Variants in POLD3 observed in about 807,000 individuals in gnomAD.
POLD3 encodes the protein DNA polymerase delta 3, accessory subunit.
POLD3 carries 19 observed loss-of-function variants against 58.2 expected under a neutral mutation model. The observed-to-expected ratio is 0.33, with a 90% CI of 0.23 to 0.48. The LOEUF (loss-of-function observed/expected upper bound fraction) is 0.48, where lower values mean the gene tolerates loss of function less well. POLD3 is among the 20% of genes least tolerant of loss of function. The pLI, the probability that POLD3 is intolerant of heterozygous loss-of-function variation, is 0.99. For synonymous variants in POLD3, 172 were observed against 193.5 expected, an observed-to-expected ratio of 0.89 and a Z score of 0.92; for missense variants, 504 against 545.5, an observed-to-expected ratio of 0.92 and a Z score of 0.76.
At chr11:74,661,586 G>C (rs1157176584) in intron 4 of POLD3, among the ~76,000 whole-genome samples, 1 of 152,200 alleles carries the variant, frequency 6.6e-6, no homozygotes, top group Non-Finnish European at 1.5e-5. Context: ...GGAGTGGGGT[G>C]ACACAAACAC....
At chr11:74,644,410 G>C (rs758845688), downstream of POLD3, among the ~76,000 whole-genome samples, 1 of 152,308 alleles carries the variant, frequency 6.6e-6, no homozygotes, top group Non-Finnish European at 1.5e-5. Flanking sequence ...TGCTTTCTGA[G>C]TTATTGCCCT....
intron 4 of POLD3, among the ~76,000 whole-genome samples, chr11:74,662,525 A>G (rs117525498): frequency 2.8e-3 from 422 of 152,112 alleles, no homozygotes; most frequent in Non-Finnish European, 4.5e-3. Context: ...CCACTGCCCT[A>G]TCCTGTCGTG....
chr11:74,642,193 C>G lies in POLD3; in HGVS notation c.*1427C>G. On this transcript the variant is annotated 3_prime_UTR_variant, in exon 12 of 12. Transcript: ENST00000263681. ...TTGGGATTAACATGAGCTTCTTTAG[C>G]AACCAAGCATGAACTTGATTAAGAC... is the stretch of plus-strand genomic sequence containing the variant. The G allele has an allele frequency of 2.0e-6, 2 of 985,386 alleles. No individual in the cohort carries two copies. The highest frequency in any genetic ancestry group is 2.4e-6 in the Non-Finnish European group (2 of 829,906). 61.0% of individuals were successfully genotyped at this position (985,386 alleles called of 1,614,324 possible). A position where few individuals can be genotyped will look rare whatever the true frequency, so the allele number is the denominator to read the frequency against.
rs2032152623 is a variant in POLD3, at chr11:74,618,588, C to T, written c.444C>T (p.Ser148=). The T allele has an allele frequency of 6.2e-6, 10 of 1,613,620 alleles. No individual in the cohort carries two copies. Among genetic ancestry groups the T allele is most frequent in the Non-Finnish European group, 8.5e-6 (10 of 1,179,538 alleles). The change falls in exon 6 of 12, where the codon TCC becomes TCT. Residue 148 remains serine, a synonymous_variant. Transcript: ENST00000263681. ...CCGTCCCTAGAGCTCCTGCTGAATC[C>T]TCTTCGTCTTCCAAAAAGTTTGAGC... ...AAAVPRAPAE[S]SSSSKKFEQS...
At chr11:74,593,965 A>G in intron 1 of POLD3, 96 bp from the exon 2 acceptor site, 1 of 700,858 alleles carries the variant, frequency 1.4e-6, no homozygotes, top group Non-Finnish European at 2.6e-6. Context: ...AGGCATAATC[A>G]TCTAAGAATA....
intron 3 of POLD3, among the ~76,000 whole-genome samples, chr11:74,607,113 A>G (rs952334786): frequency 6.6e-6 from 1 of 152,064 alleles, no homozygotes; most frequent in Non-Finnish European, 1.5e-5. Flanking sequence ...GGAAAGGCAG[A>G]TTATTAAGCA....
intron 8 of POLD3, among the ~76,000 whole-genome samples, chr11:74,626,899 A>G (rs1479371812): frequency 6.6e-6 from 1 of 152,140 alleles, no homozygotes; most frequent in Non-Finnish European, 1.5e-5. Flanking sequence ...CGTGTTTGTG[A>G]TGATGCTGGT....
intron 3 of POLD3, among the ~76,000 whole-genome samples, chr11:74,607,464 C>T (rs1012304377): frequency 1.3e-5 from 2 of 150,002 alleles, no homozygotes; most frequent in Non-Finnish European, 3.0e-5. Context: ...AGACGGGTTT[C>T]ACCATATTAG....
chr11:74,637,643 T>C (rs1341137940), intron 11 of POLD3, among the ~76,000 whole-genome samples: 1 of 151,658 alleles, frequency 6.6e-6, no homozygotes, highest in Non-Finnish European at 1.5e-5. Context: ...TTTGTGAGAG[T>C]GAGAGTTCAT....
intron 3 of POLD3, among the ~76,000 whole-genome samples, chr11:74,605,908 A>G (rs971649466): frequency 6.6e-6 from 1 of 152,044 alleles, no homozygotes; most frequent in African/African-American, 2.4e-5. Context: ...ACCTAGCGAA[A>G]CCCCATCTCT....
intron 10 of POLD3, 91 bp from the exon 11 acceptor site, chr11:74,636,106 G>A: frequency 8.4e-7 from 1 of 1,190,068 alleles, no homozygotes; most frequent in Non-Finnish European, 1.2e-6. Flanking sequence ...ATGGAGTATT[G>A]GAGAGTGATT....
chr11:74,593,115 C>A, intron 1 of POLD3: 1 of 775,338 alleles, frequency 1.3e-6, no homozygotes, highest in Non-Finnish European at 1.6e-6. Flanking sequence ...GTTGCGTAAC[C>A]TCCAGATACT....
chr11:74,666,663 A>G (rs953465751), intron 4 of POLD3, among the ~76,000 whole-genome samples: 1 of 152,214 alleles, frequency 6.6e-6, no homozygotes, highest in African/African-American at 2.4e-5. Context: ...CCCTAAATTG[A>G]TCTACAGATT....
intron 5 of POLD3, among the ~76,000 whole-genome samples, chr11:74,617,435 T>C (rs1433148101): frequency 6.6e-6 from 1 of 152,214 alleles, no homozygotes; most frequent in Non-Finnish European, 1.5e-5. Context: ...AGAGTATTGC[T>C]GTGTCGCCTA....
intron 4 of POLD3, among the ~76,000 whole-genome samples, chr11:74,661,397 G>A (rs1850199096): frequency 1.3e-5 from 2 of 152,154 alleles, no homozygotes; most frequent in Admixed American, 1.3e-4. Flanking sequence ...GTTGTAATCT[G>A]AGCTGTACTG....
chr11:74,622,873 A>T (rs917829386), intron 7 of POLD3, among the ~76,000 whole-genome samples: 64 of 152,360 alleles, frequency 4.2e-4, no homozygotes, highest in African/African-American at 1.5e-3. Flanking sequence ...TGTCCACACA[A>T]AAACTTGTAC....
At chr11:74,617,206 C>G (rs2032105605) in intron 5 of POLD3, among the ~76,000 whole-genome samples, 1 of 152,154 alleles carries the variant, frequency 6.6e-6, no homozygotes. Context: ...TGTGAAACGG[C>G]ACTTCTATAA....
intron 11 of POLD3, among the ~76,000 whole-genome samples, chr11:74,639,978 A>G (rs1489779607): frequency 6.6e-6 from 1 of 152,226 alleles, no homozygotes; most frequent in Non-Finnish European, 1.5e-5. Context: ...CTAAGAACCG[A>G]ACAGTTGAGT....
At chr11:74,621,636 A>G (rs1278812375) in intron 7 of POLD3, among the ~76,000 whole-genome samples, 1 of 152,158 alleles carries the variant, frequency 6.6e-6, no homozygotes, top group Non-Finnish European at 1.5e-5. Context: ...TGGCATTGTT[A>G]TGCAGTGGTG....
Sources: gnomAD v4.1 joint callset for allele counts (sites outside exome capture counted in the v4.1 genomes callset) on GRCh38, gnomAD v4.1.1 for gene constraint, MANE v1.5 for transcripts, NCBI Gene and HGNC (gene_info 2026-07-23, HGNC 2026-07-21) for gene names.